The following DPYSL4 variants were observed in gnomAD, a reference collection of about 807,000 sequenced individuals.
DPYSL4 encodes the protein dihydropyrimidinase like 4.
In DPYSL4, 43 loss-of-function variants were observed where a neutral mutation model predicts 63.4. That is an observed-to-expected ratio of 0.68 (90% CI 0.53 to 0.88). DPYSL4 has a LOEUF of 0.88. DPYSL4 is among the 40% of genes least tolerant of loss of function. The pLI is 0.00. For missense variants in DPYSL4, 733 were observed against 819.5 expected (o/e 0.89, Z 1.29); for synonymous variants, 353 against 331.7 (o/e 1.06, Z -0.70).
rs549250985 is a variant in DPYSL4 at position 132,205,247 on chromosome 10, C to T, written c.*317C>T. On this transcript the variant is annotated 3_prime_UTR_variant, in exon 14 of 14. Transcript: ENST00000338492. ...CCCAGCCTGGGGACAGGGAACCTGC[C>T]GGGCTCACAGTGTGGGAGCAGCTGG... is the stretch of plus-strand genomic sequence containing the variant. 2.5e-5 allele frequency: 6 copies of T among 239,566 alleles called. No homozygotes were observed. Among genetic ancestry groups the T allele is most frequent in the South Asian group, 1.5e-4 (1 of 6,626 alleles). The allele number at this position is 239,566 out of a possible 1,614,324, so 14.8% of individuals were successfully genotyped here. A position where few individuals can be genotyped will look rare whatever the true frequency, so the allele number is the denominator to read the frequency against.
Position 132,205,254 on chromosome 10 carries a change from A to T in DPYSL4, c.*324A>T, listed in dbSNP as rs2062081378. 4.3e-6 allele frequency: 1 copy of T among 231,554 alleles called. No homozygotes were observed. The highest frequency in any genetic ancestry group is 1.5e-4 in the South Asian group (1 of 6,772). The allele number at this position is 231,554 out of a possible 1,614,324, so 14.3% of individuals were successfully genotyped here. A position where few individuals can be genotyped will look rare whatever the true frequency, so the allele number is the denominator to read the frequency against. On this transcript the variant is annotated 3_prime_UTR_variant, in exon 14 of 14. Coordinates refer to ENST00000338492, the MANE Select transcript of DPYSL4 (RefSeq NM_006426.3). ...TGGGGACAGGGAACCTGCCGGGCTC[A>T]CAGTGTGGGAGCAGCTGGACACCAG... is the stretch of plus-strand genomic sequence containing the variant.
Position 132,197,083 on chromosome 10 carries a change from C to T in DPYSL4, c.603C>T (p.Asn201=), listed in dbSNP as rs149176642. The change falls in exon 6 of 14, where the codon AAC becomes AAT. Residue 201 remains asparagine (N), a synonymous_variant. Transcript: ENST00000338492. Reference sequence around the variant, plus strand: ...CCTTGGCCCAGGTGCACGCTGAGAACGGGGACATCGTGGAGGAGGTGCCGT... The same window carrying T: ...CCTTGGCCCAGGTGCACGCTGAGAATGGGGACATCGTGGAGGAGGTGCCGT... ...LGALAQVHAE[N]GDIVEEEQKR... is the part of the protein sequence containing the mutation. The T allele has an allele frequency of 5.0e-4, 763 of 1,533,768 alleles. 3 individuals carry two copies. The African/African-American group carries it at 9.3e-3, about 19-fold the overall frequency.
intron 1 of DPYSL4, among the ~76,000 whole-genome samples, chr10:132,188,852 C>G (rs905765033): frequency 1.3e-5 from 2 of 152,190 alleles, no homozygotes; most frequent in Non-Finnish European, 2.9e-5. Flanking sequence ...TATACAAGAA[C>G]GATTCTTAGC....
rs1483137985 is a variant in DPYSL4, at chr10:132,187,115, C to T, written c.39+13C>T. On this transcript the variant is annotated intron_variant, in intron 1 of 13. Transcript: ENST00000338492. Reference sequence around the variant, plus strand: ...CCCCCGGATCACGGTGAGCCCGGTCCCGCTTCGCCCGGCGCCCCCTGCCCG... The same window carrying T: ...CCCCCGGATCACGGTGAGCCCGGTCTCGCTTCGCCCGGCGCCCCCTGCCCG... 2.6e-6 allele frequency: 4 copies of T among 1,525,410 alleles called. No individual in the cohort carries two copies. In the East Asian group the frequency reaches 7.7e-5, roughly 29 times the overall value. The allele number at this position is 1,525,410 out of a possible 1,614,324, so 94.5% of individuals were successfully genotyped here. A position where few individuals can be genotyped will look rare whatever the true frequency, so the allele number is the denominator to read the frequency against.
chr10:132,195,834 G>A (rs1057457655), intron 4 of DPYSL4, among the ~76,000 whole-genome samples: 1 of 152,228 alleles, frequency 6.6e-6, no homozygotes, highest in Non-Finnish European at 1.5e-5. Context: ...GGACTCGGGA[G>A]GCCTGTGGCC....
At chr10:132,203,202 G>A (rs2062043363) in intron 12 of DPYSL4, among the ~76,000 whole-genome samples, 1 of 152,184 alleles carries the variant, frequency 6.6e-6, no homozygotes, top group African/African-American at 2.4e-5. Context: ...GATTCCCCAT[G>A]GACAGACGTG....
chr10:132,201,005 G>A (rs771445389), intron 10 of DPYSL4, 22 bp downstream of exon 10: 1 of 1,610,408 alleles, frequency 6.2e-7, no homozygotes, highest in South Asian at 1.1e-5. Flanking sequence ...CCTGGCCGGG[G>A]CACGCCGTCT....
At chr10:132,198,063 G>C (rs1029936394) in intron 6 of DPYSL4, among the ~76,000 whole-genome samples, 1 of 152,222 alleles carries the variant, frequency 6.6e-6, no homozygotes, top group African/African-American at 2.4e-5. Context: ...CTGACCTGCA[G>C]AGCCCTCCCT....
chr10:132,187,365 T>A (rs796283355), intron 1 of DPYSL4, among the ~76,000 whole-genome samples: 1 of 10,226 alleles, frequency 9.8e-5, no homozygotes, highest in Non-Finnish European at 2.4e-4. Context: ...TGCCGGGCCC[T>A]GCCGGGCCCT....
In DPYSL4 at chr10:132,192,721, G is replaced by A. The variant is rs2061893691; in HGVS notation, c.192G>A (p.Met64Ile). 1 of 1,613,314 alleles carries A rather than the reference G, an allele frequency of 6.2e-7. No homozygotes were observed. Among genetic ancestry groups the A allele is most frequent in the Admixed American group, 1.7e-5 (1 of 59,996 alleles). Residue 64 changes from methionine to isoleucine, a missense_variant, in exon 3 of 14, where the codon ATG becomes ATA. Coordinates refer to ENST00000338492, the MANE Select transcript of DPYSL4 (RefSeq NM_006426.3). The part of the protein sequence containing the change: ...GIKTIDAHGL[M>I]VLPGGVDVHT... ...AGACCATTGACGCCCACGGCCTGAT[G>A]GTCCTTCCTGGTGGCGTTGACGTCC...
At chr10:132,190,867 C>T (rs753234369) in intron 2 of DPYSL4, 32 bp downstream of exon 2, 12 of 1,606,660 alleles carry the variant, frequency 7.5e-6, no homozygotes, top group Non-Finnish European at 8.5e-6. Context: ...AAATACGTTC[C>T]CAGCTCGTGT....
intron 3 of DPYSL4, 139 bp downstream of exon 3, chr10:132,192,981 AC>A (rs2061897342): frequency 3.5e-6 from 3 of 858,210 alleles, no homozygotes; most frequent in Non-Finnish European, 3.4e-6. Context: ...CTGTCTGAGA[AC>A]CTGGAGTGCT....
At position 132,202,641 on chromosome 10, in the gene DPYSL4, C is replaced by A. The variant is rs775576828; in HGVS notation, c.1282-5C>A. On this transcript the variant is annotated splice_region_variant and splice_polypyrimidine_tract_variant and intron_variant, in intron 11 of 13. Coordinates refer to ENST00000338492, the MANE Select transcript of DPYSL4 (RefSeq NM_006426.3). The stretch of plus-strand genomic sequence containing the variant: ...GGCACTGGACCCTCGGGCCTCTCTC[C>A]CCAGAACGTGGAGTACAACATCTTC... 6 of 1,611,904 alleles carry A rather than the reference C, an allele frequency of 3.7e-6. No homozygotes were observed. The highest frequency in any genetic ancestry group is 1.9e-4 in the Middle Eastern group (1 of 5,292).
At chr10:132,190,498 G>A (rs932035694) in intron 1 of DPYSL4, among the ~76,000 whole-genome samples, 4 of 152,350 alleles carry the variant, frequency 2.6e-5, no homozygotes, top group African/African-American at 9.6e-5. Flanking sequence ...TCACCAACAC[G>A]GGCTTTGCCC....
intron 3 of DPYSL4, among the ~76,000 whole-genome samples, chr10:132,194,018 G>A (rs1357081671): frequency 1.3e-5 from 2 of 152,264 alleles, no homozygotes; most frequent in East Asian, 3.8e-4. Flanking sequence ...CCTGCCTCGT[G>A]CCAGTGCCAA....
At position 132,187,102 on chromosome 10, in the gene DPYSL4, G is replaced by A. The variant is rs1312716156; in HGVS notation, c.39G>A (p.Thr13=). ...FQGKKSIPRI[T]SDRLLIRGGR... ...GCAAGAAAAGCATCCCCCGGATCAC[G>A]GTGAGCCCGGTCCCGCTTCGCCCGG... Residue 13 remains threonine (T), a splice_region_variant and synonymous_variant, in exon 1 of 14, where the codon ACG becomes ACA. Transcript: ENST00000338492. The A allele has an allele frequency of 2.7e-6, 4 of 1,462,376 alleles. No homozygotes were observed. Among genetic ancestry groups the A allele is most frequent in the East Asian group, 3.1e-5 (1 of 31,972 alleles). 90.6% of individuals were successfully genotyped at this position (1,462,376 alleles called of 1,614,324 possible).
At chr10:132,200,260 G>C (rs2061995065) in intron 8 of DPYSL4, 96 bp from the exon 9 acceptor site, 2 of 1,475,552 alleles carry the variant, frequency 1.4e-6, no homozygotes, top group South Asian at 2.5e-5. Flanking sequence ...GGCAAGGAAA[G>C]TGAGGGGCAG....
rs12255714 is a variant in DPYSL4 at position 132,191,540 on chromosome 10, G to A, written c.128+705G>A. On this transcript the variant is annotated intron_variant, in intron 2 of 13. Coordinates refer to ENST00000338492, the MANE Select transcript of DPYSL4 (RefSeq NM_006426.3). The stretch of plus-strand genomic sequence containing the variant: ...CATAGTTCCCAGCTCGTGTGTACAC[G>A]CTGGTCACATGGTATCCAGGCAGGT... Among the ~76,000 whole-genome samples, 38 of 53,908 alleles carry A rather than the reference G, an allele frequency of 7.0e-4. 2 individuals carry two copies. Among genetic ancestry groups the A allele is most frequent in the African/African-American group, 2.2e-3 (32 of 14,402 alleles). The allele number at this position is 53,908 out of a possible 152,430, so 35.4% of individuals were successfully genotyped here. A position where few individuals can be genotyped will look rare whatever the true frequency, so the allele number is the denominator to read the frequency against.
At chr10:132,190,449 T>C (rs748574576) in intron 1 of DPYSL4, among the ~76,000 whole-genome samples, 30 of 152,206 alleles carry the variant, frequency 2.0e-4, no homozygotes, top group Non-Finnish European at 3.8e-4. Context: ...CAGTGGTAAA[T>C]CAGAAGATAT....
Sources: allele counts gnomAD v4.1 joint callset (sites outside exome capture counted in the v4.1 genomes callset), GRCh38; gene constraint gnomAD v4.1.1; transcripts MANE v1.5; gene names NCBI Gene and HGNC (gene_info 2026-07-23, HGNC 2026-07-21).